The following MTUS2 variants were observed in gnomAD, a reference collection of about 807,000 sequenced individuals.
The protein encoded by MTUS2 is microtubule-associated tumor suppressor candidate 2.
MTUS2 carries 40 observed loss-of-function variants against 114.1 expected under a neutral mutation model. The observed-to-expected ratio is 0.35, with a 90% confidence interval of 0.27 to 0.46. The LOEUF (loss-of-function observed/expected upper bound fraction) is 0.46, where lower values mean the gene tolerates loss of function less well. Ranked by LOEUF, MTUS2 falls within the 20% of genes least tolerant of loss-of-function variation. The probability of loss-of-function intolerance (pLI) is 1.00; values close to 1 mark genes in which losing one functional copy is unlikely to be tolerated. For synonymous variants in MTUS2, 688 were observed against 672.0 expected, an observed-to-expected ratio of 1.02 and a Z score of -0.37; for missense variants, 1,679 against 1,705.4, an observed-to-expected ratio of 0.98 and a Z score of 0.27.
At chr13:28,893,268 G>A (rs1020508201) in intron 2 of MTUS2, among the ~76,000 whole-genome samples, 3 of 152,148 alleles carry the variant, frequency 2.0e-5, no homozygotes, top group Non-Finnish European at 2.9e-5. Context: ...AGCCAGCTGG[G>A]AAGAGGTATT....
intron 8 of MTUS2, among the ~76,000 whole-genome samples, chr13:29,411,669 CA>C (rs1875249590): frequency 6.6e-6 from 1 of 152,190 alleles, no homozygotes; most frequent in Admixed American, 6.5e-5. Flanking sequence ...TGAGAACTGA[CA>C]TCTTTATTTG....
intron 8 of MTUS2, among the ~76,000 whole-genome samples, chr13:29,432,051 C>G (rs1289688013): frequency 7.0e-6 from 1 of 142,814 alleles, no homozygotes; most frequent in African/African-American, 2.6e-5. Flanking sequence ...TGGGGTCTCG[C>G]TATATTGCCC....
At chr13:28,954,799 G>A (rs1229741438) in intron 2 of MTUS2, among the ~76,000 whole-genome samples, 1 of 152,162 alleles carries the variant, frequency 6.6e-6, no homozygotes, top group Non-Finnish European at 1.5e-5. Context: ...CAGAGGTGGG[G>A]CCTCCAGCAT....
At chr13:29,267,234 A>G (rs73453394) in intron 5 of MTUS2, among the ~76,000 whole-genome samples, 1,863 of 152,346 alleles carry the variant, frequency 0.012, 29 homozygotes, top group East Asian at 0.081. Flanking sequence ...CTAGGTTTCT[A>G]TAACGATATC....
chr13:29,358,716 A>C (rs367705625), intron 7 of MTUS2, among the ~76,000 whole-genome samples: 1 of 152,150 alleles, frequency 6.6e-6, no homozygotes, highest in Non-Finnish European at 1.5e-5. Context: ...CTCACAATAC[A>C]TTGGTGCTAT....
At chr13:29,288,955 C>T (rs1287799734) in intron 6 of MTUS2, among the ~76,000 whole-genome samples, 1 of 152,152 alleles carries the variant, frequency 6.6e-6, no homozygotes, top group Non-Finnish European at 1.5e-5. Context: ...TGCAACACTA[C>T]TTTTTCTGGA....
At chr13:29,190,876 T>C (rs1374889140) in intron 5 of MTUS2, among the ~76,000 whole-genome samples, 1 of 152,192 alleles carries the variant, frequency 6.6e-6, no homozygotes, top group Non-Finnish European at 1.5e-5. Flanking sequence ...ATTACCATAG[T>C]AGTGAACTTG....
At chr13:29,129,059 TA>T (rs982685531) in intron 5 of MTUS2, among the ~76,000 whole-genome samples, 1 of 152,224 alleles carries the variant, frequency 6.6e-6, no homozygotes, top group African/African-American at 2.4e-5. Context: ...TAGATTTCTC[TA>T]AATGTGGTGG....
rs1304782150 is a variant in MTUS2, at chr13:29,142,985, A to G, written c.2644+42015A>G. Among the ~76,000 whole-genome samples the G allele has an allele frequency of 2.6e-5, 4 of 152,250 alleles. 1 individual carries two copies. In the East Asian group the frequency reaches 7.7e-4, roughly 29 times the overall value. ...AATTTCTGGTTATGAAATAACAAAC[A>G]AAAACCAGAGAAGATTGGATTGGGA... On this transcript the variant is annotated intron_variant, in intron 5 of 15. Transcript: ENST00000612955.
chr13:28,903,892 T>G (rs147468585), intron 2 of MTUS2, among the ~76,000 whole-genome samples: 7,120 of 152,202 alleles, frequency 0.047, 246 homozygotes, highest in Non-Finnish European at 0.063. Context: ...TGTAAAAGTG[T>G]TCCTATTTCT....
chr13:28,926,947 T>A (rs1881359236), intron 2 of MTUS2, among the ~76,000 whole-genome samples: 1 of 152,164 alleles, frequency 6.6e-6, no homozygotes, highest in Non-Finnish European at 1.5e-5. Flanking sequence ...TGTTCTTGGA[T>A]TTTTTGGCCA....
chr13:29,032,971 A>G (rs1886896768), intron 3 of MTUS2, among the ~76,000 whole-genome samples: 1 of 152,198 alleles, frequency 6.6e-6, no homozygotes, highest in African/African-American at 2.4e-5. Context: ...TTAATAAAAC[A>G]CTGATAATAT....
chr13:29,471,745 C>CG (rs1566220261), intron 9 of MTUS2, among the ~76,000 whole-genome samples: 2,882 of 146,720 alleles, frequency 0.02, 134 homozygotes, highest in African/African-American at 0.066. Flanking sequence ...AGGCCCAGCC[C>CG]CCCCCGACAC....
At chr13:28,881,144 G>C (rs1878263532) in intron 2 of MTUS2, among the ~76,000 whole-genome samples, 2 of 152,096 alleles carry the variant, frequency 1.3e-5, no homozygotes, top group South Asian at 4.2e-4. Flanking sequence ...TCAACTTGGA[G>C]ACCCCCAGTG....
intron 6 of MTUS2, among the ~76,000 whole-genome samples, chr13:29,308,943 A>G (rs913277555): frequency 4.6e-5 from 7 of 150,568 alleles, no homozygotes; most frequent in African/African-American, 7.4e-5. Context: ...GCACTTTTGC[A>G]TACACAGGTA....
intron 2 of MTUS2, among the ~76,000 whole-genome samples, chr13:28,984,199 A>T (rs1884478108): frequency 6.6e-6 from 1 of 152,206 alleles, no homozygotes. Context: ...CATTTTGCTC[A>T]GGCAGGAAGG....
intron 8 of MTUS2, among the ~76,000 whole-genome samples, chr13:29,371,703 C>T (rs559828294): frequency 6.6e-6 from 1 of 152,012 alleles, no homozygotes; most frequent in African/African-American, 2.4e-5. Context: ...TCAAATATCC[C>T]ACCTAATTGT....
chr13:29,390,625 C>A (rs1873361804), intron 8 of MTUS2, among the ~76,000 whole-genome samples: 1 of 148,590 alleles, frequency 6.7e-6, no homozygotes, highest in Non-Finnish European at 1.5e-5. Flanking sequence ...GCACTCCAGC[C>A]TGGGTGACAG....
At chr13:29,477,915 A>G (rs1427377952) in intron 9 of MTUS2, among the ~76,000 whole-genome samples, 15 of 152,196 alleles carry the variant, frequency 9.9e-5, no homozygotes, top group African/African-American at 3.4e-4. Context: ...CTACATAAAT[A>G]ATTTAAAAAG....
Sources: gnomAD v4.1 joint callset for allele counts (sites outside exome capture counted in the v4.1 genomes callset) on GRCh38, gnomAD v4.1.1 for gene constraint, MANE v1.5 for transcripts, NCBI Gene and HGNC (gene_info 2026-07-23, HGNC 2026-07-21) for gene names.